ANKRD34B: variants seen among roughly 807,000 people sequenced by gnomAD.
The protein encoded by ANKRD34B is ankyrin repeat domain 34B, also known as ankyrin repeat domain-containing protein 34B.
ANKRD34B carries 2 observed loss-of-function variants against 4.4 expected under a neutral mutation model. That is an observed-to-expected ratio of 0.46 (90% confidence interval 0.19 to 1.44). ANKRD34B has a LOEUF of 1.44. ANKRD34B is among the 40% of genes most tolerant of loss of function. The probability of loss-of-function intolerance (pLI) is 0.26; values close to 1 mark genes in which losing one functional copy is unlikely to be tolerated. For synonymous variants in ANKRD34B, 226 were observed against 227.1 expected, an observed-to-expected ratio of 0.99 and a Z score of 0.05; for missense variants, 558 against 604.7, an observed-to-expected ratio of 0.92 and a Z score of 0.81.
intron 4 of ANKRD34B, among the ~76,000 whole-genome samples, chr5:80,563,070 T>C (rs989913480): frequency 6.6e-6 from 1 of 152,206 alleles, no homozygotes; most frequent in African/African-American, 2.4e-5. Context: ...CCTTTCTTTA[T>C]TCATCTAATT....
Position 80,557,184 on chromosome 5 carries a change from G to A in ANKRD34B, c.*1291C>T, listed in dbSNP as rs1338375043. On this transcript the variant is annotated 3_prime_UTR_variant, in exon 5 of 5. Transcript: ENST00000338682. Reference sequence around the variant, plus strand: ...AGTCTGATTTATCCTTTGTTGTTAAGCTGCTAGACTGAAATAAGGATTCTT... The same window carrying A: ...AGTCTGATTTATCCTTTGTTGTTAAACTGCTAGACTGAAATAAGGATTCTT... The A allele has an allele frequency of 6.6e-6, 1 of 152,380 alleles. No homozygotes were observed. Among genetic ancestry groups the A allele is most frequent in the Non-Finnish European group, 1.5e-5 (1 of 67,958 alleles). 9.4% of individuals were successfully genotyped at this position (152,380 alleles called of 1,614,324 possible). A position where few individuals can be genotyped will look rare whatever the true frequency, so the allele number is the denominator to read the frequency against.
At position 80,558,742 on chromosome 5, in the gene ANKRD34B, A is replaced by C; in HGVS notation, c.1278T>G (p.Val426=). 6.2e-7 allele frequency: 1 copy of C among 1,614,182 alleles called. No individual in the cohort carries two copies. The highest frequency in any genetic ancestry group is 1.1e-5 in the South Asian group (1 of 91,086). The change falls in exon 5 of 5, where the codon GTT becomes GTG. Residue 426 remains valine, a synonymous_variant. Transcript: ENST00000338682. ...PGPLSRRNHA[V]LERRGSGAFP... ...AAGCTCCTGAACCTCGCCTTTCTAA[A>C]ACTGCATGATTTCTCCTGCTCAGGG...
At chr5:80,569,807 C>T (rs531487636) in intron 1 of ANKRD34B, among the ~76,000 whole-genome samples, 2 of 152,330 alleles carry the variant, frequency 1.3e-5, no homozygotes, top group South Asian at 4.1e-4. Flanking sequence ...AGTCCAAGCC[C>T]CAGCGGCCGC....
chr5:80,558,314 G>T lies in ANKRD34B; in HGVS notation c.*161C>A. 3.6e-6 allele frequency: 2 copies of T among 555,820 alleles called. No homozygotes were observed. Among genetic ancestry groups the T allele is most frequent in the Non-Finnish European group, 6.0e-6 (2 of 333,080 alleles). The allele number at this position is 555,820 out of a possible 1,614,324, so 34.4% of individuals were successfully genotyped here. On this transcript the variant is annotated 3_prime_UTR_variant, in exon 5 of 5. Coordinates refer to ENST00000338682, the MANE Select transcript of ANKRD34B (RefSeq NM_001004441.3). ...ACAGAAACTATGTATTATTTTTTAT[G>T]CTCATGACGCCTAGTACAAATCACA...
In ANKRD34B at chr5:80,557,779, A is replaced by G. The variant is rs989390894; in HGVS notation, c.*696T>C. 7.9e-5 allele frequency: 12 copies of G among 152,316 alleles called. No individual in the cohort carries two copies. In the East Asian group the frequency reaches 2.3e-3, roughly 29 times the overall value. The allele number at this position is 152,316 out of a possible 1,614,324, so 9.4% of individuals were successfully genotyped here. A position where few individuals can be genotyped will look rare whatever the true frequency, so the allele number is the denominator to read the frequency against. On this transcript the variant is annotated 3_prime_UTR_variant, in exon 5 of 5. Transcript: ENST00000338682. ...GTCTGTTTAAAAACCAAAACAAAGC[A>G]AAGCAAAACACAGTGCACAAACAAC...
intron 4 of ANKRD34B, among the ~76,000 whole-genome samples, chr5:80,561,205 T>G (rs1746395473): frequency 6.6e-6 from 1 of 152,134 alleles, no homozygotes; most frequent in Non-Finnish European, 1.5e-5. Context: ...GATAATTCCA[T>G]TAGGTGGTAA....
chr5:80,561,418 A>G (rs1357109922), intron 4 of ANKRD34B, among the ~76,000 whole-genome samples: 1 of 152,202 alleles, frequency 6.6e-6, no homozygotes, highest in Non-Finnish European at 1.5e-5. Context: ...CTATTTGATA[A>G]TAGAATAGAT....
intron 4 of ANKRD34B, among the ~76,000 whole-genome samples, chr5:80,561,686 G>A (rs990919189): frequency 2.6e-5 from 4 of 152,106 alleles, no homozygotes; most frequent in Non-Finnish European, 5.9e-5. Flanking sequence ...ACCAAAAGGG[G>A]CTTCACAGAA....
chr5:80,561,561 T>C (rs1746406063), intron 4 of ANKRD34B, among the ~76,000 whole-genome samples: 1 of 152,208 alleles, frequency 6.6e-6, no homozygotes, highest in South Asian at 2.1e-4. Flanking sequence ...TGCTGGGCAC[T>C]GAGCTACAAA....
At position 80,559,821 on chromosome 5, in the gene ANKRD34B, C is replaced by T. The variant is rs1746366231; in HGVS notation, c.199G>A (p.Val67Met). The change falls in exon 5 of 5, where the codon GTG (valine) becomes ATG (methionine). Residue 67 changes from valine to methionine, a missense_variant. By Grantham distance (21) the Val-to-Met change is conservative. Transcript: ENST00000338682. ...DHQSVSKAKM[V>M]KYLLENNADP... The stretch of plus-strand genomic sequence containing the variant: ...GCATTGTTCTCTAACAGGTATTTCA[C>T]CATTTTGGCTTTACTGACACTCTGG... The T allele has an allele frequency of 6.2e-7, 1 of 1,614,088 alleles. No individual in the cohort carries two copies. Among genetic ancestry groups the T allele is most frequent in the Admixed American group, 1.7e-5 (1 of 60,012 alleles).
At chr5:80,565,628 T>C (rs1746542946) in intron 3 of ANKRD34B, among the ~76,000 whole-genome samples, 1 of 152,234 alleles carries the variant, frequency 6.6e-6, no homozygotes, top group African/African-American at 2.4e-5. Flanking sequence ...GAGAAATACT[T>C]TCTTGTTTTG....
intron 2 of ANKRD34B, among the ~76,000 whole-genome samples, chr5:80,567,317 C>T (rs1746599204): frequency 1.3e-5 from 2 of 151,786 alleles, no homozygotes; most frequent in Non-Finnish European, 2.9e-5. Flanking sequence ...CCCAGTTTTC[C>T]TTTCATTAAG....
intron 3 of ANKRD34B, among the ~76,000 whole-genome samples, chr5:80,566,105 C>T (rs1039897747): frequency 6.6e-6 from 1 of 151,904 alleles, no homozygotes; most frequent in Non-Finnish European, 1.5e-5. Flanking sequence ...TTTTTAAGAA[C>T]AAAGAAAATT....
chr5:80,559,522 G>A lies in ANKRD34B; in HGVS notation c.498C>T (p.Tyr166=). 2 of 1,614,216 alleles carry A rather than the reference G, an allele frequency of 1.2e-6. No homozygotes were observed. The highest frequency in any genetic ancestry group is 1.1e-5 in the South Asian group (1 of 91,088). ...LPCGKHTTKQ[Y]LNMPPVDIDG... ...CTATATCCACAGGAGGCATATTTAAGTATTGTTTAGTAGTATGCTTCCCAC... is the reference window on the plus strand; with the variant it reads ...CTATATCCACAGGAGGCATATTTAAATATTGTTTAGTAGTATGCTTCCCAC... Residue 166 remains tyrosine, a synonymous_variant, in exon 5 of 5, where the codon TAC becomes TAT. Transcript: ENST00000338682.
chr5:80,557,423 C>G lies in ANKRD34B; in HGVS notation c.*1052G>C, dbSNP rs1702731475. On this transcript the variant is annotated 3_prime_UTR_variant, in exon 5 of 5. Coordinates refer to ENST00000338682, the MANE Select transcript of ANKRD34B (RefSeq NM_001004441.3). ...AATAAAAAGGCATTGTTTAATATTG[C>G]CAAATATTTAGTACATTTTGTGATT... 1 of 151,894 alleles carries G rather than the reference C, an allele frequency of 6.6e-6. No individual in the cohort carries two copies. The highest frequency in any genetic ancestry group is 1.5e-5 in the Non-Finnish European group (1 of 67,936). The allele number at this position is 151,894 out of a possible 1,614,324, so 9.4% of individuals were successfully genotyped here.
At chr5:80,566,253 T>G (rs1394169189) in intron 3 of ANKRD34B, among the ~76,000 whole-genome samples, 1 of 152,020 alleles carries the variant, frequency 6.6e-6, no homozygotes, top group Non-Finnish European at 1.5e-5. Flanking sequence ...ACAGGACCTG[T>G]GACATTTAGG....
chr5:80,558,301 T>A lies in ANKRD34B; in HGVS notation c.*174A>T. 1 of 520,200 alleles carries A rather than the reference T, an allele frequency of 1.9e-6. No homozygotes were observed. Among genetic ancestry groups the A allele is most frequent in the South Asian group, 3.5e-5 (1 of 28,684 alleles). The allele number at this position is 520,200 out of a possible 1,614,324, so 32.2% of individuals were successfully genotyped here. A position where few individuals can be genotyped will look rare whatever the true frequency, so the allele number is the denominator to read the frequency against. ...GAGAATTCCCTTAACAGAAACTATG[T>A]ATTATTTTTTATGCTCATGACGCCT... On this transcript the variant is annotated 3_prime_UTR_variant, in exon 5 of 5. Transcript: ENST00000338682.
rs759208087 is a variant in ANKRD34B at position 80,559,924 on chromosome 5, G to A, written c.96C>T (p.Gly32=). ...CGTTGCTCTCATTAATGTAGGCACC[G>A]CCTTCTAGCAAAAGTCTTGTGAGGC... ...RLRLTRLLLE[G]GAYINESNDR... is the part of the protein sequence containing the mutation. Residue 32 remains glycine, a synonymous_variant, in exon 5 of 5, where the codon GGC becomes GGT. Transcript: ENST00000338682. The A allele has an allele frequency of 6.2e-6, 10 of 1,613,924 alleles. No individual in the cohort carries two copies. The highest frequency in any genetic ancestry group is 1.3e-5 in the African/African-American group (1 of 74,986).
chr5:80,562,749 G>T (rs1423311080), intron 4 of ANKRD34B, among the ~76,000 whole-genome samples: 5 of 152,192 alleles, frequency 3.3e-5, no homozygotes, highest in Non-Finnish European at 7.3e-5. Flanking sequence ...AAAGGTGTCA[G>T]ATACTTTATT....
Sources: gnomAD v4.1 joint callset for allele counts (sites outside exome capture counted in the v4.1 genomes callset) on GRCh38, gnomAD v4.1.1 for gene constraint, MANE v1.5 for transcripts, NCBI Gene and HGNC (gene_info 2026-07-23, HGNC 2026-07-21) for gene names.